The following AGPAT3 variants were observed in gnomAD, a reference collection of about 807,000 sequenced individuals.
AGPAT3 encodes the protein 1-acylglycerol-3-phosphate O-acyltransferase 3, also known as 1-acyl-sn-glycerol-3-phosphate acyltransferase gamma.
A neutral mutation model predicts 47.3 loss-of-function variants in AGPAT3; 5 were observed. The observed-to-expected ratio is 0.11, with a 90% CI of 0.06 to 0.22. AGPAT3 has a LOEUF of 0.22. AGPAT3 is among the 10% of genes least tolerant of loss of function. AGPAT3 has a pLI of 1.00. For synonymous variants in AGPAT3, 212 were observed against 208.3 expected (o/e 1.02, Z -0.15); for missense variants, 315 against 493.0 (o/e 0.64, Z 3.42).
chr21:43,980,531 C>G (rs1032198347), intron 8 of AGPAT3, among the ~76,000 whole-genome samples: 1 of 152,214 alleles, frequency 6.6e-6, no homozygotes, highest in East Asian at 1.9e-4. Context: ...GCTAGGAAAC[C>G]GAGGTATGCG....
intron 7 of AGPAT3, among the ~76,000 whole-genome samples, chr21:43,973,855 C>T (rs940383566): frequency 1.3e-5 from 2 of 152,180 alleles, no homozygotes; most frequent in Non-Finnish European, 2.9e-5. Flanking sequence ...GCTCTCCTGT[C>T]CCCAGGGCTG....
At chr21:43,909,663 C>T (rs1456263528) in intron 2 of AGPAT3, among the ~76,000 whole-genome samples, 3 of 152,146 alleles carry the variant, frequency 2.0e-5, no homozygotes, top group Non-Finnish European at 4.4e-5. Context: ...AAAGGTATCC[C>T]GACGGTGCTG....
rs755389276 is a variant in AGPAT3 at position 43,939,987 on chromosome 21, G to A, written c.-48-19647G>A. ...ACCTGTGTGTATGTCCTGCTTCAGC[G>A]CGCTCCTGGGGTCCCTTGAGTTGGT... On this transcript the variant is annotated intron_variant, in intron 2 of 9. Coordinates refer to ENST00000291572, the MANE Select transcript of AGPAT3 (RefSeq NM_020132.5). The surrounding 1 kb of genome is among the most constrained non-coding windows in gnomAD (Gnocchi z 4.4). 1.4e-4 allele frequency among the ~76,000 whole-genome samples: 21 copies of A among 152,352 alleles called. No individual in the cohort carries two copies. The East Asian group carries it at 3.1e-3, about 22-fold the overall frequency.
chr21:43,971,323 T>A, intron 6 of AGPAT3, 65 bp from the exon 7 acceptor site: 3 of 1,467,966 alleles, frequency 2.0e-6, no homozygotes, highest in Non-Finnish European at 2.9e-6. Context: ...AACTTGCTTT[T>A]CCCTCTGGCA....
intron 2 of AGPAT3, among the ~76,000 whole-genome samples, chr21:43,911,336 T>G (rs1304678925): frequency 6.6e-6 from 1 of 151,960 alleles, no homozygotes; most frequent in Non-Finnish European, 1.5e-5. Context: ...AGAACCCGAG[T>G]GTGCTTTAAA....
At chr21:43,904,977 C>T (rs2086453870) in intron 2 of AGPAT3, among the ~76,000 whole-genome samples, 1 of 152,010 alleles carries the variant, frequency 6.6e-6, no homozygotes. Flanking sequence ...TTGAAAGCTA[C>T]CATTTGATAA....
At chr21:43,964,784 CTG>C (rs1388715041) in intron 3 of AGPAT3, 1 of 152,176 alleles carries the variant, frequency 6.6e-6, no homozygotes, top group African/African-American at 2.4e-5. Flanking sequence ...TGAATTCCGT[CTG>C]TGACTTGTTG....
chr21:43,969,737 G>A (rs1161203914), intron 5 of AGPAT3, among the ~76,000 whole-genome samples: 7 of 151,726 alleles, frequency 4.6e-5, no homozygotes, highest in Admixed American at 2.0e-4. Flanking sequence ...TCGCTCTGTC[G>A]CCCAGGCTGG....
intron 1 of AGPAT3, among the ~76,000 whole-genome samples, chr21:43,875,380 T>G (rs1601191577): frequency 6.6e-6 from 1 of 152,320 alleles, no homozygotes; most frequent in East Asian, 1.9e-4. Context: ...CCCAAATATC[T>G]TTGATCCACA....
rs1290210498 is a variant in AGPAT3 at position 43,982,245 on chromosome 21, T to C, written c.1043-59T>C. ...GGAAGGAAGCCCCAGTAACACGTTT[T>C]ACAGCAAAAAGGCAAAGTCATCCGT... is the stretch of plus-strand genomic sequence containing the variant. On this transcript the variant is annotated intron_variant, in intron 9 of 9. Transcript: ENST00000291572. This position sits in a 1 kb window ranked among gnomAD's most constrained non-coding sequence, Gnocchi z 6.2. 4.0e-5 allele frequency: 54 copies of C among 1,365,984 alleles called. 1 individual carries two copies. The highest frequency in any genetic ancestry group is 2.0e-4 in the South Asian group (17 of 84,198). The allele number at this position is 1,365,984 out of a possible 1,614,324, so 84.6% of individuals were successfully genotyped here.
chr21:43,875,728 C>A (rs1428528414), intron 1 of AGPAT3, among the ~76,000 whole-genome samples: 1 of 152,234 alleles, frequency 6.6e-6, no homozygotes, highest in Non-Finnish European at 1.5e-5. Flanking sequence ...CTGCCTCAGC[C>A]TGAAGAGTAG....
rs1342959328 is a variant in AGPAT3 at position 43,952,446 on chromosome 21, G to A, written c.-48-7188G>A. 6.6e-6 allele frequency among the ~76,000 whole-genome samples: 1 copy of A among 152,224 alleles called. No individual in the cohort carries two copies. The highest frequency in any genetic ancestry group is 2.4e-5 in the African/African-American group (1 of 41,448). ...CTAACAAAAGGTGGCAGAATTGGGT[G>A]TGGGCGTGTGGGGCTGGGCTCTGAT... On this transcript the variant is annotated intron_variant, in intron 2 of 9. Coordinates refer to ENST00000291572, the MANE Select transcript of AGPAT3 (RefSeq NM_020132.5). The surrounding 1 kb of genome is among the most constrained non-coding windows in gnomAD (Gnocchi z 5.6).
rs1175030216 is a variant in AGPAT3, at chr21:43,908,589, G to A, written c.-49+4570G>A. ...GGGTAGGGGGAGTGGAGCCGTGGGT[G>A]CGGCACTAGAAGGATGAGAAAGGAC... On this transcript the variant is annotated intron_variant, in intron 2 of 9. Coordinates refer to ENST00000291572, the MANE Select transcript of AGPAT3 (RefSeq NM_020132.5). The surrounding 1 kb of genome is among the most constrained non-coding windows in gnomAD (Gnocchi z 4.9). 2.0e-5 allele frequency among the ~76,000 whole-genome samples: 3 copies of A among 152,218 alleles called. No homozygotes were observed. The highest frequency in any genetic ancestry group is 4.4e-5 in the Non-Finnish European group (3 of 68,046).
intron 2 of AGPAT3, among the ~76,000 whole-genome samples, chr21:43,907,768 C>T (rs928600249): frequency 1.3e-5 from 2 of 152,170 alleles, no homozygotes; most frequent in South Asian, 2.1e-4. Flanking sequence ...TAAGAGCTTG[C>T]GTTTTCGGTT....
intron 8 of AGPAT3, among the ~76,000 whole-genome samples, chr21:43,978,804 G>T (rs2089722187): frequency 6.6e-6 from 1 of 152,190 alleles, no homozygotes; most frequent in South Asian, 2.1e-4. Context: ...TTAGAGCATT[G>T]CTTTGAAAAC....
chr21:43,912,359 C>T (rs1165011337), intron 2 of AGPAT3, among the ~76,000 whole-genome samples: 4 of 152,272 alleles, frequency 2.6e-5, no homozygotes, highest in Non-Finnish European at 5.9e-5. Flanking sequence ...GGATGAATTT[C>T]TCCTGAGGAA....
intron 1 of AGPAT3, among the ~76,000 whole-genome samples, chr21:43,876,321 G>A (rs982356821): frequency 2.6e-5 from 4 of 152,210 alleles, no homozygotes; most frequent in South Asian, 2.1e-4. Flanking sequence ...GTTGGACTCC[G>A]CCACTTGTTC....
rs1438371609 is a variant in AGPAT3 at position 43,932,620 on chromosome 21, A to G, written c.-48-27014A>G. Among the ~76,000 whole-genome samples, 1 of 152,018 alleles carries G rather than the reference A, an allele frequency of 6.6e-6. No homozygotes were observed. Among genetic ancestry groups the G allele is most frequent in the African/African-American group, 2.4e-5 (1 of 41,370 alleles). On this transcript the variant is annotated intron_variant, in intron 2 of 9. Coordinates refer to ENST00000291572, the MANE Select transcript of AGPAT3 (RefSeq NM_020132.5). This position sits in a 1 kb window ranked among gnomAD's most constrained non-coding sequence, Gnocchi z 5.2. ...CTGATTTCAGTTCCTTTAGATACAT[A>G]CCCAGAAGTGGGATTGCCGGACCTT...
intron 1 of AGPAT3, among the ~76,000 whole-genome samples, chr21:43,899,782 G>A (rs1366594310): frequency 1.3e-5 from 2 of 152,218 alleles, no homozygotes; most frequent in Non-Finnish European, 2.9e-5. Context: ...GTTCTGTTGG[G>A]TGTTGAGAGG....
Sources: gnomAD v4.1 joint callset for allele counts (sites outside exome capture counted in the v4.1 genomes callset) on GRCh38, gnomAD v4.1.1 for gene constraint, Gnocchi (gnomAD v3.1) non-coding constraint, MANE v1.5 for transcripts, NCBI Gene and HGNC (gene_info 2026-07-23, HGNC 2026-07-21) for gene names.